The following BTBD8 variants were observed in gnomAD, a reference collection of about 807,000 sequenced individuals.
BTBD8 encodes BTB/POZ domain-containing protein 8.
Under a neutral mutation model 162.9 loss-of-function variants are expected in BTBD8, and 110 were observed. That is an observed-to-expected ratio of 0.68 (90% CI 0.58 to 0.79). The LOEUF (loss-of-function observed/expected upper bound fraction) is 0.79. Among genes scored for constraint, BTBD8 ranks in the 30% least tolerant of loss-of-function variants. The pLI is 0.00. For synonymous variants in BTBD8, 667 were observed against 716.1 expected (o/e 0.93, Z 1.10); for missense variants, 1,905 against 2,085.4 (o/e 0.91, Z 1.68).
Position 92,100,823 on chromosome 1 carries a change from C to T in BTBD8, c.348-1650C>T, listed in dbSNP as rs983242100. On this transcript the variant is annotated intron_variant, in intron 2 of 17. Coordinates refer to ENST00000636805, the MANE Select transcript of BTBD8 (RefSeq NM_001376131.1). ...ACGGGGTTTCACCATGTTGGGCAGG[C>T]TGGTCTCGAACTCCTGACCTCGTGA... 9.9e-5 allele frequency among the ~76,000 whole-genome samples: 15 copies of T among 152,068 alleles called. 1 individual carries two copies. Among genetic ancestry groups the T allele is most frequent in the Non-Finnish European group, 2.9e-5 (2 of 68,014 alleles).
chr1:92,135,014 C>A (rs1649600402), intron 5 of BTBD8, among the ~76,000 whole-genome samples: 1 of 151,638 alleles, frequency 6.6e-6, no homozygotes, highest in African/African-American at 2.4e-5. Context: ...GCCTCAGCCT[C>A]CTGAGTAGCT....
intron 4 of BTBD8, among the ~76,000 whole-genome samples, chr1:92,114,147 A>G (rs1010723394): frequency 1.3e-5 from 2 of 152,080 alleles, no homozygotes; most frequent in Admixed American, 6.5e-5. Context: ...GTTAAAAAAA[A>G]CACTTATTAT....
chr1:92,164,488 G>A (rs749000678), intron 9 of BTBD8, among the ~76,000 whole-genome samples: 20 of 151,940 alleles, frequency 1.3e-4, no homozygotes, highest in African/African-American at 2.9e-4. Flanking sequence ...GCATGGTGGC[G>A]TGCACCTGTA....
At chr1:92,112,073 A>G (rs1434777846) in intron 4 of BTBD8, among the ~76,000 whole-genome samples, 1 of 152,082 alleles carries the variant, frequency 6.6e-6, no homozygotes, top group Non-Finnish European at 1.5e-5. Flanking sequence ...GAAAACTCGG[A>G]TGAGTGCTTT....
In BTBD8 at chr1:92,183,983, T is replaced by C; in HGVS notation, c.5032T>C (p.Ser1678Pro). 6.4e-7 allele frequency: 1 copy of C among 1,551,588 alleles called. No homozygotes were observed. Among genetic ancestry groups the C allele is most frequent in the East Asian group, 2.4e-5 (1 of 40,914 alleles). ...AGAAGCATTTGAGCAGAAAGTGGAATCAGAAACACATGTTACAGATATGGA... is the reference window on the plus strand; with the variant it reads ...AGAAGCATTTGAGCAGAAAGTGGAACCAGAAACACATGTTACAGATATGGA... ...VIEAFEQKVE[S>P]ETHVTDMDFE... Residue 1678 changes from serine (S) to proline (P), a missense_variant, in exon 18 of 18, where the codon TCA becomes CCA. Physicochemically the swap from Ser to Pro is moderately conservative, Grantham distance 74 (BLOSUM62 -1). This residue lies in a region of BTBD8 where 517 missense variants were observed against 606.6 expected (regional missense o/e 0.85). Coordinates refer to ENST00000636805, the MANE Select transcript of BTBD8 (RefSeq NM_001376131.1).
intron 4 of BTBD8, chr1:92,125,312 G>A: frequency 5.1e-6 from 1 of 197,712 alleles, no homozygotes; most frequent in South Asian, 8.6e-5. Context: ...CATGGCGTCT[G>A]GTGACACTGC....
chr1:92,184,447 T>C lies in BTBD8; in HGVS notation c.*117T>C, dbSNP rs1651026032. 1 of 630,554 alleles carries C rather than the reference T, an allele frequency of 1.6e-6. No homozygotes were observed. Among genetic ancestry groups the C allele is most frequent in the Non-Finnish European group, 2.7e-6 (1 of 373,706 alleles). The allele number at this position is 630,554 out of a possible 1,614,324, so 39.1% of individuals were successfully genotyped here. ...TTTCTTTAATATTGAGTCTTTCCAA[T>C]TTAATGAGGTAAACATAGTTTATTT... On this transcript the variant is annotated 3_prime_UTR_variant, in exon 18 of 18. Transcript: ENST00000636805.
intron 4 of BTBD8, among the ~76,000 whole-genome samples, chr1:92,121,042 G>C (rs1348498688): frequency 6.6e-6 from 1 of 152,128 alleles, no homozygotes; most frequent in Non-Finnish European, 1.5e-5. Context: ...TGGGATTACA[G>C]GTATGAGCCA....
At position 92,178,428 on chromosome 1, in the gene BTBD8, C is replaced by T; in HGVS notation, c.2558C>T (p.Pro853Leu). The part of the protein sequence containing the change: ...TAAQQRTKST[P>L]SNLTKTQGSQ... ...GCTCAGCAGAGGACAAAGAGTACCCCATCTAATCTTACTAAAACTCAAGGT... is the reference window on the plus strand; with the variant it reads ...GCTCAGCAGAGGACAAAGAGTACCCTATCTAATCTTACTAAAACTCAAGGT... The change falls in exon 16 of 18, where the codon CCA becomes CTA. Residue 853 changes from proline to leucine, a missense_variant. By Grantham distance (98) the Pro-to-Leu change is moderately conservative. Transcript: ENST00000636805. 2 of 1,549,052 alleles carry T rather than the reference C, an allele frequency of 1.3e-6. No homozygotes were observed. Among genetic ancestry groups the T allele is most frequent in the East Asian group, 2.4e-5 (1 of 40,872 alleles).
intron 2 of BTBD8, among the ~76,000 whole-genome samples, chr1:92,095,827 T>A (rs1648434499): frequency 6.6e-6 from 1 of 152,220 alleles, no homozygotes; most frequent in Admixed American, 6.5e-5. Context: ...TAAATAGTGC[T>A]GTTATCAATA....
intron 5 of BTBD8, among the ~76,000 whole-genome samples, chr1:92,132,416 CCAGTGGGCAGAGGT>C (rs1428948779): frequency 3.3e-5 from 5 of 151,678 alleles, no homozygotes. Context: ...TATTAATAGA[CCAGTGGGCAGAGGT>C]CAGTGGGCAA....
intron 9 of BTBD8, among the ~76,000 whole-genome samples, chr1:92,159,105 A>G (rs1005999075): frequency 2.0e-5 from 3 of 152,002 alleles, no homozygotes; most frequent in African/African-American, 7.2e-5. Flanking sequence ...AGTACTCTTC[A>G]TAAGTGAATC....
chr1:92,097,874 G>A (rs1473255899), intron 2 of BTBD8, among the ~76,000 whole-genome samples: 6 of 152,178 alleles, frequency 3.9e-5, no homozygotes, highest in African/African-American at 9.7e-5. Flanking sequence ...GAAAAGCTGC[G>A]TGGGGCAAAG....
Position 92,168,935 on chromosome 1 carries a change from G to A in BTBD8, c.1513G>A (p.Val505Ile), listed in dbSNP as rs1416319838. ...CTTCCTGGTTCAGTCTTTCTATGCT[G>A]TTCGTCACACAGAAAGCTGGAAGCT... ...WIFLVQSFYA[V>I]RHTESWKLMS... The change falls in exon 12 of 18, where the codon GTT (valine) becomes ATT (isoleucine). Residue 505 changes from valine to isoleucine, a missense_variant. By Grantham distance (29) the Val-to-Ile change is conservative. This residue lies in a region of BTBD8 where 1,374 missense variants were observed against 1,442.7 expected (regional missense o/e 0.95). Coordinates refer to ENST00000636805, the MANE Select transcript of BTBD8 (RefSeq NM_001376131.1). 1 of 1,543,998 alleles carries A rather than the reference G, an allele frequency of 6.5e-7. No homozygotes were observed. Among genetic ancestry groups the A allele is most frequent in the Admixed American group, 2.0e-5 (1 of 50,932 alleles).
chr1:92,147,199 C>T lies in BTBD8; in HGVS notation c.950C>T (p.Thr317Met), dbSNP rs753279443. 10 of 1,608,288 alleles carry T rather than the reference C, an allele frequency of 6.2e-6. No individual in the cohort carries two copies. The East Asian group carries it at 6.7e-5, about 11-fold the overall frequency. Reference sequence around the variant, plus strand: ...TTTTAGCCTGTTCCCAGAACATTGACGTCTATACTAGAATGCCTGATTATT... The same window carrying T: ...TTTTAGCCTGTTCCCAGAACATTGATGTCTATACTAGAATGCCTGATTATT... ...FFQKPVPRTL[T>M]SILECLIIAH... Residue 317 changes from threonine to methionine, a missense_variant, in exon 8 of 18, where the codon ACG becomes ATG. Thr to Met is a moderately conservative substitution (Grantham distance 81, BLOSUM62 -1). Transcript: ENST00000636805.
At position 92,100,094 on chromosome 1, in the gene BTBD8, C is replaced by T. The variant is rs867999956; in HGVS notation, c.348-2379C>T. ...TGTTGGGCTTTGTCAAATGATTTTT[C>T]TGCATTGATTGAAGTGATCATGTGG... On this transcript the variant is annotated intron_variant, in intron 2 of 17. Coordinates refer to ENST00000636805, the MANE Select transcript of BTBD8 (RefSeq NM_001376131.1). Among the ~76,000 whole-genome samples the T allele has an allele frequency of 6.8e-4, 104 of 152,226 alleles. 1 individual carries two copies. Among genetic ancestry groups the T allele is most frequent in the African/African-American group, 2.3e-3 (97 of 41,544 alleles).
rs747883887 is a variant in BTBD8 at position 92,141,191 on chromosome 1, T to A, written c.910T>A (p.Tyr304Asn). Reference sequence around the variant, plus strand: ...AGCAATCTATATTTTAAGAAGAGATTACTGTAATTTCTTTCAGAAGGTAAT... The same window carrying A: ...AGCAATCTATATTTTAAGAAGAGATAACTGTAATTTCTTTCAGAAGGTAAT... ...EVAIYILRRD[Y>N]CNFFQKPVPR... The change falls in exon 7 of 18, where the codon TAC becomes AAC. Residue 304 changes from tyrosine to asparagine, a missense_variant. By Grantham distance (143) the Tyr-to-Asn change is moderately radical. Transcript: ENST00000636805. The A allele has an allele frequency of 6.3e-7, 1 of 1,584,664 alleles. No individual in the cohort carries two copies. Among genetic ancestry groups the A allele is most frequent in the Non-Finnish European group, 8.6e-7 (1 of 1,162,562 alleles).
At position 92,181,774 on chromosome 1, in the gene BTBD8, T is replaced by G. The variant is rs1475394143; in HGVS notation, c.4091T>G (p.Ile1364Ser). The G allele has an allele frequency of 6.4e-7, 1 of 1,551,206 alleles. No individual in the cohort carries two copies. Among genetic ancestry groups the G allele is most frequent in the Non-Finnish European group, 8.7e-7 (1 of 1,146,956 alleles). ...GTTCACTCTAGGGAAAGAGAAAATA[T>G]TCCACGAGGCAGTGTCCAGTTTGCT... The part of the protein sequence containing the change: ...AIVHSREREN[I>S]PRGSVQFAQE... The change falls in exon 17 of 18, where the codon ATT (isoleucine) becomes AGT (serine). Residue 1364 changes from isoleucine (I) to serine (S), a missense_variant. Physicochemically the swap from Ile to Ser is moderately radical, Grantham distance 142 (BLOSUM62 -2). Around this residue, in one of 3 missense-constraint regions of BTBD8, gnomAD observed 517 missense variants for 606.6 expected, o/e 0.85. Coordinates refer to ENST00000636805, the MANE Select transcript of BTBD8 (RefSeq NM_001376131.1).
intron 16 of BTBD8, among the ~76,000 whole-genome samples, chr1:92,179,413 C>G (rs1260812045): frequency 6.6e-6 from 1 of 151,940 alleles, no homozygotes; most frequent in Non-Finnish European, 1.5e-5. Context: ...AAATAATAAC[C>G]AATTTTCAAA....
Sources: gnomAD v4.1 joint callset for allele counts (sites outside exome capture counted in the v4.1 genomes callset) on GRCh38, gnomAD v4.1.1 for gene constraint, gnomAD v4.1.1 regional missense constraint, MANE v1.5 for transcripts, NCBI Gene and HGNC (gene_info 2026-07-23, HGNC 2026-07-21) for gene names.